CAST: variants seen among roughly 807,000 people sequenced by gnomAD.
CAST encodes MIR583 host.
Under a neutral mutation model 119.6 loss-of-function variants are expected in CAST, and 76 were observed. The observed-to-expected ratio is 0.64, with a 90% CI of 0.53 to 0.77. The LOEUF (loss-of-function observed/expected upper bound fraction) is 0.77. Ranked by LOEUF, CAST falls within the 30% of genes least tolerant of loss-of-function variation. CAST has a pLI of 0.00. For synonymous variants in CAST, 319 were observed against 331.6 expected, an observed-to-expected ratio of 0.96 and a Z score of 0.41; for missense variants, 953 against 946.5, an observed-to-expected ratio of 1.01 and a Z score of -0.09.
chr5:96,740,629 T>C, intron 12 of CAST, 116 bp from the exon 13 acceptor site: 2 of 746,162 alleles, frequency 2.7e-6, no homozygotes, highest in Non-Finnish European at 4.8e-6. Flanking sequence ...GGTTAAGACT[T>C]GAACATATAG....
chr5:96,221,511 A>G, the CAST span, among the ~76,000 whole-genome samples: 33 of 152,270 alleles, frequency 2.2e-4, no homozygotes, highest in South Asian at 2.5e-3. Flanking sequence ...CATTTACAAC[A>G]GCTGACAAAA....
At chr5:96,202,260 T>C in the CAST span, among the ~76,000 whole-genome samples, 2 of 152,122 alleles carry the variant, frequency 1.3e-5, no homozygotes, top group Non-Finnish European at 2.9e-5. Context: ...TTTTTTCCAG[T>C]TAATATGATA....
the CAST span, among the ~76,000 whole-genome samples, chr5:96,424,878 G>A: frequency 3.3e-5 from 5 of 151,590 alleles, no homozygotes; most frequent in South Asian, 4.2e-4. Flanking sequence ...CAGGAGAATC[G>A]CTTGAAGCCA....
chr5:96,400,406 C>T, the CAST span, among the ~76,000 whole-genome samples: 1 of 152,208 alleles, frequency 6.6e-6, no homozygotes, highest in Admixed American at 6.5e-5. Context: ...TATGACTTCT[C>T]TCCAGAGCAT....
chr5:96,499,155 C>G, the CAST span, among the ~76,000 whole-genome samples: 3 of 152,008 alleles, frequency 2.0e-5, no homozygotes, highest in Admixed American at 6.5e-5. Flanking sequence ...GTCCTCTTAA[C>G]CACACCTGCT....
rs192997753 is a variant in CAST, at chr5:96,535,916, A to G, written c.60+6036A>G. Reference sequence around the variant, plus strand: ...CCTAAGTATGTCCTCAGTGGTACCTACTTTTATTTGTTAAAACCGACAATT... The same window carrying G: ...CCTAAGTATGTCCTCAGTGGTACCTGCTTTTATTTGTTAAAACCGACAATT... On this transcript the variant is annotated intron_variant, in intron 1 of 11. Transcript: ENST00000505143. 4.4e-4 allele frequency among the ~76,000 whole-genome samples: 67 copies of G among 151,142 alleles called. No homozygotes were observed. In the Middle Eastern group the frequency reaches 0.024, roughly 54 times the overall value.
At chr5:96,579,560 G>T (rs1746734807) in intron 1 of CAST, among the ~76,000 whole-genome samples, 1 of 152,076 alleles carries the variant, frequency 6.6e-6, no homozygotes, top group Admixed American at 6.5e-5. Context: ...GTAGGTTGGG[G>T]GTCAGGAAAT....
the CAST span, among the ~76,000 whole-genome samples, chr5:96,068,352 A>C: frequency 6.6e-6 from 1 of 151,694 alleles, no homozygotes; most frequent in South Asian, 2.1e-4. Context: ...CGGAATAAGA[A>C]GCAGGATTCT....
At chr5:96,153,455 T>C in the CAST span, among the ~76,000 whole-genome samples, 3 of 152,206 alleles carry the variant, frequency 2.0e-5, no homozygotes, top group Non-Finnish European at 4.4e-5. Flanking sequence ...TCTCTTCTGG[T>C]GCAGGATGGA....
intron 17 of CAST, 84 bp from the exon 18 acceptor site, chr5:96,747,261 C>A: frequency 1.3e-6 from 1 of 746,336 alleles, no homozygotes; most frequent in Non-Finnish European, 2.4e-6. Context: ...ATTTCATATC[C>A]TGGAATTCCC....
the CAST span, among the ~76,000 whole-genome samples, chr5:96,212,710 C>T: frequency 1.3e-5 from 2 of 152,132 alleles, no homozygotes; most frequent in Non-Finnish European, 2.9e-5. Flanking sequence ...GTAGACTTGT[C>T]TATTTCTCTT....
intron 4 of CAST, among the ~76,000 whole-genome samples, chr5:96,722,998 T>C (rs1758581728): frequency 6.6e-6 from 1 of 152,066 alleles, no homozygotes; most frequent in Admixed American, 6.6e-5. Flanking sequence ...GGCTGGAGTA[T>C]AGTGGTGTGA....
chr5:96,206,258 A>G, the CAST span, among the ~76,000 whole-genome samples: 9 of 151,798 alleles, frequency 5.9e-5, no homozygotes, highest in East Asian at 1.9e-4. Context: ...TGAGTTGTCT[A>G]TTTACTCTGT....
At chr5:96,233,479 TAAAA>T in the CAST span, among the ~76,000 whole-genome samples, 1 of 152,060 alleles carries the variant, frequency 6.6e-6, no homozygotes. Flanking sequence ...AAAACAAAAA[TAAAA>T]AAATTGATTC....
rs1463333322 is a variant in CAST at position 96,695,838 on chromosome 5, A to G, written c.141A>G (p.Lys47=). 1 of 1,610,622 alleles carries G rather than the reference A, an allele frequency of 6.2e-7. No homozygotes were observed. The highest frequency in any genetic ancestry group is 8.5e-7 in the Non-Finnish European group (1 of 1,177,412). Residue 47 remains lysine, a splice_region_variant and synonymous_variant, in exon 3 of 32, where the codon AAA becomes AAG. Coordinates refer to ENST00000675179, the MANE Select transcript of CAST (RefSeq NM_001750.7). ...AACTAATATTTTCTATTTTCAAGAAAAAAGCAGCAAGCCTCGGCAGCAGTC... is the reference window on the plus strand; with the variant it reads ...AACTAATATTTTCTATTTTCAAGAAGAAAGCAGCAAGCCTCGGCAGCAGTC... The part of the protein sequence containing the change: ...KPGEKKGSDE[K]KAASLGSSQS...
the CAST span, among the ~76,000 whole-genome samples, chr5:96,166,843 A>G: frequency 1.3e-5 from 2 of 152,122 alleles, no homozygotes; most frequent in South Asian, 4.1e-4. Flanking sequence ...TCTTATATTA[A>G]TAAGAAAAAT....
At chr5:96,737,721 T>G in intron 10 of CAST, 128 bp from the exon 11 acceptor site, 1 of 571,946 alleles carries the variant, frequency 1.7e-6, no homozygotes, top group East Asian at 2.9e-5. Flanking sequence ...TTAACTATTT[T>G]GGGGAACTAT....
chr5:96,069,385 A>ATGTGTG, the CAST span, among the ~76,000 whole-genome samples: 249 of 96,150 alleles, frequency 2.6e-3, 1 homozygote, highest in African/African-American at 0.012. Flanking sequence ...GTGTGTGTCT[A>ATGTGTG]TGTGTGTGTG....
rs181553855 is a variant in CAST at position 96,564,734 on chromosome 5, C to T, written c.60+34854C>T. ...AGATGTTCCAGACCAGCCTGGGCAA[C>T]GTGGTGAAACCCCATCACTACAAAA... On this transcript the variant is annotated intron_variant, in intron 1 of 11. Coordinates refer to the CAST transcript ENST00000505143. Among the ~76,000 whole-genome samples, 7 of 152,286 alleles carry T rather than the reference C, an allele frequency of 4.6e-5. No individual in the cohort carries two copies. The South Asian group carries it at 6.2e-4, about 14-fold the overall frequency.
Sources: gnomAD v4.1 joint callset for allele counts (sites outside exome capture counted in the v4.1 genomes callset) on GRCh38, gnomAD v4.1.1 for gene constraint, MANE v1.5 for transcripts, NCBI Gene and HGNC (gene_info 2026-07-23, HGNC 2026-07-21) for gene names.